Variants in ADGRL3 observed in about 807,000 individuals in gnomAD.
ADGRL3 encodes the protein adhesion G protein-coupled receptor L3.
Under a neutral mutation model 153.5 loss-of-function variants are expected in ADGRL3, and 62 were observed. That is an observed-to-expected ratio of 0.40 (90% CI 0.33 to 0.50). The LOEUF is 0.50. Among genes scored for constraint, ADGRL3 ranks in the 20% least tolerant of loss-of-function variants. The pLI, the probability that ADGRL3 is intolerant of heterozygous loss-of-function variation, is 0.47. For synonymous variants in ADGRL3, 710 were observed against 672.5 expected (o/e 1.06, Z -0.86); for missense variants, 1,641 against 1,859.4 (o/e 0.88, Z 2.16).
chr4:61,418,900 G>T (rs2097172725), intron 2 of ADGRL3, among the ~76,000 whole-genome samples: 1 of 150,518 alleles, frequency 6.6e-6, no homozygotes. Context: ...AAAGAAAAAA[G>T]TTAAATTAAT....
intron 11 of ADGRL3, among the ~76,000 whole-genome samples, chr4:61,904,261 T>G (rs1560351533): frequency 6.6e-6 from 1 of 152,068 alleles, no homozygotes; most frequent in African/African-American, 2.4e-5. Flanking sequence ...CTTATTTTAC[T>G]TTCTGGTTTA....
intron 4 of ADGRL3, among the ~76,000 whole-genome samples, chr4:61,534,351 T>C (rs1402727426): frequency 1.3e-5 from 2 of 152,212 alleles, no homozygotes; most frequent in African/African-American, 2.4e-5. Context: ...TCTTGCCTTA[T>C]AGTTTAAAGT....
At chr4:61,409,404 AAT>A (rs10573056) in intron 2 of ADGRL3, among the ~76,000 whole-genome samples, 5,491 of 137,846 alleles carry the variant, frequency 0.04, 321 homozygotes, top group East Asian at 0.21. Context: ...AGACATACAT[AAT>A]ATATATATAT....
At chr4:61,415,612 G>C (rs2152297241) in intron 2 of ADGRL3, among the ~76,000 whole-genome samples, 1 of 152,136 alleles carries the variant, frequency 6.6e-6, no homozygotes, top group South Asian at 2.1e-4. Flanking sequence ...TATGTTAACT[G>C]TCATACATAA....
intron 4 of ADGRL3, among the ~76,000 whole-genome samples, chr4:61,584,421 A>G (rs1284367106): frequency 1.3e-5 from 2 of 151,996 alleles, no homozygotes; most frequent in African/African-American, 4.8e-5. Context: ...GCAACTGCCT[A>G]GTGTCTGGTA....
intron 26 of ADGRL3, among the ~76,000 whole-genome samples, chr4:62,069,689 G>A (rs1254166983): frequency 6.6e-6 from 1 of 152,018 alleles, no homozygotes; most frequent in Non-Finnish European, 1.5e-5. Context: ...AAGACAATTT[G>A]TAAAATTAAA....
intron 3 of ADGRL3, among the ~76,000 whole-genome samples, chr4:61,503,659 A>G (rs1248898557): frequency 1.3e-5 from 2 of 152,114 alleles, no homozygotes; most frequent in Admixed American, 1.3e-4. Flanking sequence ...TTTAGACTAT[A>G]TTTTCTAAGA....
intron 8 of ADGRL3, among the ~76,000 whole-genome samples, chr4:61,779,135 A>G (rs77975036): frequency 0.016 from 2,393 of 152,302 alleles, 23 homozygotes; most frequent in Non-Finnish European, 0.023. Flanking sequence ...GGGGAGTCAA[A>G]TAATTTTGTT....
intron 25 of ADGRL3, among the ~76,000 whole-genome samples, chr4:62,067,919 C>T (rs934680349): frequency 5.3e-5 from 8 of 151,866 alleles, no homozygotes; most frequent in Non-Finnish European, 8.8e-5. Context: ...ATGGTGGAAA[C>T]GCTTATTAAA....
intron 3 of ADGRL3, among the ~76,000 whole-genome samples, chr4:61,510,396 C>A (rs1480479048): frequency 6.6e-6 from 1 of 152,114 alleles, no homozygotes; most frequent in Non-Finnish European, 1.5e-5. Flanking sequence ...TAGGGTCTCA[C>A]ATTTAGAATT....
chr4:61,212,040 G>T (rs1244606439), intron 1 of ADGRL3: 1 of 152,196 alleles, frequency 6.6e-6, no homozygotes, highest in Non-Finnish European at 1.5e-5. Flanking sequence ...TCCCCAAGAT[G>T]TGACATCTGA....
chr4:61,645,681 G>A (rs2093943445), intron 5 of ADGRL3, among the ~76,000 whole-genome samples: 3 of 152,048 alleles, frequency 2.0e-5, no homozygotes, highest in Admixed American at 1.3e-4. Context: ...GCTTCCCTTT[G>A]AGGGTAACCC....
At chr4:61,652,089 C>T (rs2094280434) in intron 5 of ADGRL3, among the ~76,000 whole-genome samples, 1 of 152,008 alleles carries the variant, frequency 6.6e-6, no homozygotes, top group Non-Finnish European at 1.5e-5. Flanking sequence ...ATTTAACACC[C>T]TCTAAAAGAA....
chr4:61,762,129 C>T (rs188145169), intron 8 of ADGRL3, among the ~76,000 whole-genome samples: 2 of 152,142 alleles, frequency 1.3e-5, no homozygotes, highest in African/African-American at 2.4e-5. Context: ...TTAAAGTGGT[C>T]ATGGTTAAAG....
intron 5 of ADGRL3, among the ~76,000 whole-genome samples, chr4:61,618,870 C>A (rs1380140842): frequency 1.3e-5 from 2 of 152,118 alleles, no homozygotes; most frequent in Admixed American, 1.3e-4. Flanking sequence ...GTGCATGCCA[C>A]AATACGCAGC....
intron 6 of ADGRL3, among the ~76,000 whole-genome samples, chr4:61,716,738 C>G (rs542194019): frequency 1.2e-4 from 18 of 152,210 alleles, no homozygotes; most frequent in African/African-American, 4.3e-4. Flanking sequence ...CTGCCAAATC[C>G]TCCAAATGCA....
At chr4:61,878,364 T>C (rs2098488352) in intron 9 of ADGRL3, among the ~76,000 whole-genome samples, 1 of 152,212 alleles carries the variant, frequency 6.6e-6, no homozygotes, top group Non-Finnish European at 1.5e-5. Flanking sequence ...GAAAACTGAA[T>C]AATGTCTGCA....
At chr4:61,439,702 G>T (rs982228646) in intron 2 of ADGRL3, among the ~76,000 whole-genome samples, 4 of 152,048 alleles carry the variant, frequency 2.6e-5, no homozygotes, top group African/African-American at 9.7e-5. Context: ...AGAATATGCA[G>T]TATTTGGCTT....
intron 15 of ADGRL3, among the ~76,000 whole-genome samples, chr4:61,940,062 C>G (rs1483681269): frequency 8.1e-6 from 1 of 123,828 alleles, no homozygotes; most frequent in Non-Finnish European, 1.7e-5. Flanking sequence ...GTATATCTCC[C>G]AATGCTATCC....
Sources: gnomAD v4.1 joint callset for allele counts (sites outside exome capture counted in the v4.1 genomes callset) on GRCh38, gnomAD v4.1.1 for gene constraint, MANE v1.5 for transcripts, NCBI Gene and HGNC (gene_info 2026-07-23, HGNC 2026-07-21) for gene names.